The following NCF2 variants were observed in gnomAD, a reference collection of about 807,000 sequenced individuals.
NCF2 encodes neutrophil cytosol factor 2.
Under a neutral mutation model 70.9 loss-of-function variants are expected in NCF2, and 45 were observed. That is an observed-to-expected ratio of 0.63 (90% CI 0.50 to 0.81). The LOEUF is 0.81. Among genes scored for constraint, NCF2 ranks in the 40% least tolerant of loss-of-function variants. The probability of loss-of-function intolerance (pLI) is 0.00; values close to 1 mark genes in which losing one functional copy is unlikely to be tolerated. For synonymous variants in NCF2, 203 were observed against 233.6 expected, an observed-to-expected ratio of 0.87 and a Z score of 1.19; for missense variants, 522 against 631.6, an observed-to-expected ratio of 0.83 and a Z score of 1.86.
intron 2 of NCF2, among the ~76,000 whole-genome samples, chr1:183,584,245 T>C (rs1185532143): frequency 6.6e-6 from 1 of 152,208 alleles, no homozygotes; most frequent in Non-Finnish European, 1.5e-5. Context: ...GAAAGTGTAT[T>C]TCTGGAAACA....
intron 13 of NCF2, among the ~76,000 whole-genome samples, chr1:183,561,521 T>A (rs953175416): frequency 1.3e-5 from 2 of 152,240 alleles, no homozygotes; most frequent in East Asian, 1.9e-4. Flanking sequence ...GAACACTTAC[T>A]CTGTGGCAGT....
chr1:183,563,895 C>G lies in NCF2; in HGVS notation c.1026+110G>C, dbSNP rs1012247114. On this transcript the variant is annotated intron_variant, in intron 11 of 14. Coordinates refer to ENST00000367535, the MANE Select transcript of NCF2 (RefSeq NM_000433.4). ...GGACTCTGTAAGGTAGCAACTGGTT[C>G]GACCCTCCCTTTGGGGCTCTTCCTA... is the stretch of plus-strand genomic sequence containing the variant. 7.7e-6 allele frequency: 10 copies of G among 1,295,218 alleles called. No homozygotes were observed. The African/African-American group carries it at 1.5e-4, about 19-fold the overall frequency. 80.2% of individuals were successfully genotyped at this position (1,295,218 alleles called of 1,614,324 possible).
chr1:183,561,641 CT>C (rs71924876), intron 13 of NCF2, among the ~76,000 whole-genome samples: 20 of 146,712 alleles, frequency 1.4e-4, no homozygotes, highest in Admixed American at 2.0e-4. Flanking sequence ...CTTTTCTTTT[CT>C]TTTTTTTTTG....
chr1:183,566,824 G>T (rs888636548), intron 9 of NCF2, 96 bp downstream of exon 9: 50 of 1,474,538 alleles, frequency 3.4e-5, no homozygotes, highest in Non-Finnish European at 4.5e-5. Flanking sequence ...TTCTCCAGGG[G>T]TCCTGACAAC....
Position 183,555,755 on chromosome 1 carries a change from G to A in NCF2, c.*363C>T, listed in dbSNP as rs1209813529. The A allele has an allele frequency of 8.0e-6, 2 of 250,682 alleles. No homozygotes were observed. The highest frequency in any genetic ancestry group is 2.2e-5 in the African/African-American group (1 of 44,960). The allele number at this position is 250,682 out of a possible 1,614,324, so 15.5% of individuals were successfully genotyped here. ...TTTTATTGTGGTATGACACAGAAAA[G>A]TGCACCAAATGTACAGCTTGATGAA... On this transcript the variant is annotated 3_prime_UTR_variant, in exon 15 of 15. Transcript: ENST00000367535.
At chr1:183,587,167 T>C (rs1226482024) in intron 1 of NCF2, among the ~76,000 whole-genome samples, 190 bp from the exon 2 acceptor site, 2 of 152,226 alleles carry the variant, frequency 1.3e-5, no homozygotes, top group Non-Finnish European at 2.9e-5. Context: ...AGCTGAAGTC[T>C]GGGACAATGG....
chr1:183,575,044 C>T (rs1672735112), intron 3 of NCF2, among the ~76,000 whole-genome samples: 1 of 152,216 alleles, frequency 6.6e-6, no homozygotes, highest in African/African-American at 2.4e-5. Flanking sequence ...GTGTGGTCTT[C>T]CAGTCCACCT....
rs971383904 is a variant in NCF2 at position 183,560,462 on chromosome 1, C to G, written c.1291-189G>C. 2.6e-5 allele frequency among the ~76,000 whole-genome samples: 4 copies of G among 152,140 alleles called. No individual in the cohort carries two copies. The East Asian group carries it at 7.7e-4, about 29-fold the overall frequency. On this transcript the variant is annotated intron_variant, in intron 13 of 14. Coordinates refer to ENST00000367535, the MANE Select transcript of NCF2 (RefSeq NM_000433.4). ...GATGGTTGGGTAAATCAGTCCCCAA[C>G]CTTTTTGGCACGAGGGACCAGTTTC...
rs1157170264 is a variant in NCF2, at chr1:183,577,655, T to G, written c.310A>C (p.Asn104His). 1 of 1,614,126 alleles carries G rather than the reference T, an allele frequency of 6.2e-7. No individual in the cohort carries two copies. The highest frequency in any genetic ancestry group is 1.7e-5 in the Admixed American group (1 of 60,016). Residue 104 changes from asparagine (N) to histidine (H), a missense_variant, in exon 3 of 15, where the codon AAC becomes CAC. Asn to His is a moderately conservative substitution (Grantham distance 68, BLOSUM62 1). Coordinates refer to ENST00000367535, the MANE Select transcript of NCF2 (RefSeq NM_000433.4). ...LKEALIQLRG[N>H]QLIDYKILGL... ...AGGATCTTATAGTCTATCAGCTGGT[T>G]CCCTCGAAGCTGAATCAAGGCTTCT...
chr1:183,587,059 G>T, intron 1 of NCF2, 82 bp from the exon 2 acceptor site: 1 of 1,325,116 alleles, frequency 7.5e-7, no homozygotes. Context: ...CAGAGCCCTA[G>T]CTCCCTGTGG....
chr1:183,592,827 C>T (rs1477965810), upstream of NCF2, among the ~76,000 whole-genome samples: 2 of 152,214 alleles, frequency 1.3e-5, no homozygotes, highest in African/African-American at 4.8e-5. Context: ...CCAGAACTTT[C>T]CTTCACAATC....
At chr1:183,590,465 C>T, upstream of NCF2, 1 of 910,606 alleles carries the variant, frequency 1.1e-6, no homozygotes, top group Non-Finnish European at 1.8e-6. Context: ...AGAATGGGGC[C>T]CAGCCTCCCT....
chr1:183,580,675 C>T (rs1673017030), intron 2 of NCF2, among the ~76,000 whole-genome samples: 1 of 152,132 alleles, frequency 6.6e-6, no homozygotes, highest in Non-Finnish European at 1.5e-5. Context: ...AATTCCCTAG[C>T]CCATCAAGAT....
In NCF2 at chr1:183,556,208, C is replaced by G. The variant is rs556748175; in HGVS notation, c.1491G>C (p.Gly497=). The G allele has an allele frequency of 6.2e-7, 1 of 1,614,148 alleles. No homozygotes were observed. Among genetic ancestry groups the G allele is most frequent in the South Asian group, 1.1e-5 (1 of 91,086 alleles). ...LSKVNEEWLE[G]ECKGKVGIFP... is the part of the protein sequence containing the mutation. Reference sequence around the variant, plus strand: ...AAATGCCCACCTTCCCTTTGCACTCCCCTTCCAGCCATTCTTCATTCACTG... The same window carrying G: ...AAATGCCCACCTTCCCTTTGCACTCGCCTTCCAGCCATTCTTCATTCACTG... Residue 497 remains glycine, a synonymous_variant, in exon 15 of 15, where the codon GGG becomes GGC. Transcript: ENST00000367535.
chr1:183,573,615 G>A (rs566176922), intron 4 of NCF2, among the ~76,000 whole-genome samples: 72 of 152,254 alleles, frequency 4.7e-4, no homozygotes. Flanking sequence ...CGACAAGGCT[G>A]GCCCGGGATC....
At chr1:183,593,990 A>G (rs574062844), upstream of NCF2, among the ~76,000 whole-genome samples, 1 of 152,388 alleles carries the variant, frequency 6.6e-6, no homozygotes, top group Non-Finnish European at 1.5e-5. Context: ...TGTGTCTGGA[A>G]TATGGCAGCT....
chr1:183,563,093 C>T, intron 13 of NCF2, 102 bp downstream of exon 13: 1 of 1,039,286 alleles, frequency 9.6e-7, no homozygotes, highest in Non-Finnish European at 1.5e-6. Flanking sequence ...TCCCCAACAC[C>T]ACATATAGTG....
At chr1:183,578,524 C>T (rs1672909329) in intron 2 of NCF2, among the ~76,000 whole-genome samples, 1 of 152,026 alleles carries the variant, frequency 6.6e-6, no homozygotes, top group African/African-American at 2.4e-5. Context: ...GCCACCACGC[C>T]CGGCTAATTT....
chr1:183,565,691 C>T lies in NCF2; in HGVS notation c.1000+13G>A, dbSNP rs1468113729. On this transcript the variant is annotated intron_variant, in intron 10 of 14. Transcript: ENST00000367535. Reference sequence around the variant, plus strand: ...TGCACCCAGACCTAGGCTGTGGCTCCAGGACCACTCACCTGGTGACAGCTG... The same window carrying T: ...TGCACCCAGACCTAGGCTGTGGCTCTAGGACCACTCACCTGGTGACAGCTG... The T allele has an allele frequency of 1.9e-6, 3 of 1,611,822 alleles. No homozygotes were observed. The Admixed American group carries it at 5.0e-5, about 27-fold the overall frequency.
Sources: allele counts gnomAD v4.1 joint callset (sites outside exome capture counted in the v4.1 genomes callset), GRCh38; gene constraint gnomAD v4.1.1; transcripts MANE v1.5; gene names NCBI Gene and HGNC (gene_info 2026-07-23, HGNC 2026-07-21).